Variants in DLG2 observed in about 807,000 individuals in gnomAD.
The protein encoded by DLG2 is discs large MAGUK scaffold protein 2.
A neutral mutation model predicts 132.5 loss-of-function variants in DLG2; 45 were observed. That is an observed-to-expected ratio of 0.34 (90% confidence interval 0.27 to 0.44). The LOEUF is 0.44. DLG2 is among the 20% of genes least tolerant of loss of function. The probability of loss-of-function intolerance (pLI) is 1.00; values close to 1 mark genes in which losing one functional copy is unlikely to be tolerated. For missense variants in DLG2, 1,045 were observed against 1,196.9 expected (o/e 0.87, Z 1.87); for synonymous variants, 424 against 419.6 (o/e 1.01, Z -0.13).
chr11:83,980,399 C>T lies in DLG2; in HGVS notation c.1056+107G>A, dbSNP rs1340863784. On this transcript the variant is annotated intron_variant, in intron 12 of 27. Transcript: ENST00000376104. Reference sequence around the variant, plus strand: ...TAGATTTCTGCCATTTTAAGCCACCCACCCTGTGGTATTTTGTGATGGCAG... The same window carrying T: ...TAGATTTCTGCCATTTTAAGCCACCTACCCTGTGGTATTTTGTGATGGCAG... The T allele has an allele frequency of 4.0e-6, 5 of 1,256,088 alleles. No individual in the cohort carries two copies. The African/African-American group carries it at 4.7e-5, about 12-fold the overall frequency. 77.8% of individuals were successfully genotyped at this position (1,256,088 alleles called of 1,614,324 possible).
intron 6 of DLG2, among the ~76,000 whole-genome samples, chr11:85,061,251 G>C (rs1393368326): frequency 1.3e-5 from 2 of 151,426 alleles, no homozygotes; most frequent in African/African-American, 4.8e-5. Context: ...GTCAATTTTT[G>C]TTTTTGTAGC....
intron 3 of DLG2, among the ~76,000 whole-genome samples, chr11:85,322,046 T>A (rs2081108123): frequency 6.6e-6 from 1 of 152,080 alleles, no homozygotes; most frequent in Admixed American, 6.5e-5. Context: ...TTATATTCAG[T>A]AATATTCTCC....
chr11:83,963,045 G>A (rs756609290), intron 13 of DLG2, 22 bp from the exon 14 acceptor site: 1 of 1,610,550 alleles, frequency 6.2e-7, no homozygotes, highest in East Asian at 2.2e-5. Flanking sequence ...GGGAAAAAGA[G>A]AAAAGAAACC....
intron 4 of DLG2, among the ~76,000 whole-genome samples, chr11:85,222,556 A>G (rs574345197): frequency 3.3e-5 from 5 of 152,120 alleles, no homozygotes. Flanking sequence ...CAGCCCTCAT[A>G]TGATAGTATT....
intron 3 of DLG2, among the ~76,000 whole-genome samples, chr11:85,326,378 T>C (rs1300674815): frequency 7.8e-6 from 1 of 128,692 alleles, no homozygotes; most frequent in Non-Finnish European, 1.6e-5. Context: ...GAGAGAAAGG[T>C]CGGGTTACCC....
chr11:84,135,961 A>C (rs1272101975), intron 9 of DLG2, among the ~76,000 whole-genome samples: 1 of 152,084 alleles, frequency 6.6e-6, no homozygotes, highest in Middle Eastern at 3.2e-3. Flanking sequence ...GTGTCTGGGA[A>C]AATACAGGTG....
At chr11:83,574,290 C>G (rs1046035540) in intron 19 of DLG2, among the ~76,000 whole-genome samples, 1 of 152,016 alleles carries the variant, frequency 6.6e-6, no homozygotes, top group Non-Finnish European at 1.5e-5. Context: ...TGTAGACATA[C>G]TTCAATCAAT....
At chr11:85,413,037 G>GA in intron 3 of DLG2, among the ~76,000 whole-genome samples, 1 of 151,748 alleles carries the variant, frequency 6.6e-6, no homozygotes, top group Non-Finnish European at 1.5e-5. Context: ...CAGCAGTGTA[G>GA]AAGTGTTCCC....
chr11:84,682,090 G>A (rs536319440), intron 6 of DLG2, among the ~76,000 whole-genome samples: 4 of 152,070 alleles, frequency 2.6e-5, no homozygotes, highest in South Asian at 4.2e-4. Context: ...CTACTTATCC[G>A]GCTACCCACC....
At chr11:83,930,583 T>C (rs1591288605) in intron 14 of DLG2, 100 bp from the exon 15 acceptor site, 5 of 1,223,640 alleles carry the variant, frequency 4.1e-6, no homozygotes, top group Non-Finnish European at 3.4e-6. Context: ...GTAAAAACAA[T>C]GCCATTTTAT....
intron 7 of DLG2, among the ~76,000 whole-genome samples, chr11:84,289,161 TA>T (rs2097951635): frequency 6.6e-6 from 1 of 152,112 alleles, no homozygotes; most frequent in Non-Finnish European, 1.5e-5. Context: ...TCATTATATC[TA>T]ATTAAAAAGT....
intron 21 of DLG2, among the ~76,000 whole-genome samples, chr11:83,524,605 C>A (rs1439433916): frequency 6.6e-6 from 1 of 152,182 alleles, no homozygotes; most frequent in Non-Finnish European, 1.5e-5. Flanking sequence ...AAATTCTAAT[C>A]TAACCTCTGC....
At chr11:84,857,991 C>T (rs2083023516) in intron 6 of DLG2, among the ~76,000 whole-genome samples, 1 of 151,914 alleles carries the variant, frequency 6.6e-6, no homozygotes, top group Admixed American at 6.6e-5. Context: ...TTTCCAGACT[C>T]AAGCTATCCA....
At chr11:83,781,684 A>G (rs1407695857) in intron 18 of DLG2, among the ~76,000 whole-genome samples, 2 of 152,196 alleles carry the variant, frequency 1.3e-5, no homozygotes, top group Non-Finnish European at 2.9e-5. Flanking sequence ...AGTCATATTC[A>G]AGGCAAAAGA....
chr11:83,740,946 G>C (rs570019816), intron 18 of DLG2, among the ~76,000 whole-genome samples: 6 of 152,210 alleles, frequency 3.9e-5, no homozygotes, highest in South Asian at 2.1e-4. Context: ...ACATCAAAAA[G>C]TTAATTTACC....
intron 3 of DLG2, among the ~76,000 whole-genome samples, chr11:85,480,595 C>T (rs1330114441): frequency 6.6e-6 from 1 of 152,164 alleles, no homozygotes; most frequent in Non-Finnish European, 1.5e-5. Context: ...CATATGCACA[C>T]TTAACTATTT....
intron 6 of DLG2, among the ~76,000 whole-genome samples, chr11:84,714,647 T>TTCTCTCTCTCTCTC (rs754541162): frequency 1.1e-5 from 1 of 90,650 alleles, no homozygotes; most frequent in African/African-American, 5.9e-5. Context: ...CTCTCTCTCT[T>TTCTCTCTCTCTCTC]TCTCTCTCTC....
intron 21 of DLG2, among the ~76,000 whole-genome samples, chr11:83,491,286 A>C (rs949948838): frequency 5.3e-5 from 8 of 151,956 alleles, no homozygotes; most frequent in African/African-American, 1.7e-4. Flanking sequence ...TCAAATCCCA[A>C]CGACTATCAC....
At chr11:85,058,868 C>G (rs2063732657) in intron 6 of DLG2, among the ~76,000 whole-genome samples, 1 of 151,156 alleles carries the variant, frequency 6.6e-6, no homozygotes, top group South Asian at 2.1e-4. Flanking sequence ...AAAATCAATT[C>G]CAAGTCAATT....
Sources: gnomAD v4.1 joint callset for allele counts (sites outside exome capture counted in the v4.1 genomes callset) on GRCh38, gnomAD v4.1.1 for gene constraint, MANE v1.5 for transcripts, NCBI Gene and HGNC (gene_info 2026-07-23, HGNC 2026-07-21) for gene names.